Variants in WASHC5 observed in about 807,000 individuals in gnomAD.
WASHC5 encodes WASH complex subunit 5, also known as WASH complex subunit strumpellin.
Under a neutral mutation model 150.4 loss-of-function variants are expected in WASHC5, and 101 were observed. The observed-to-expected ratio is 0.67, with a 90% CI of 0.57 to 0.79. The LOEUF is 0.79. WASHC5 is among the 30% of genes least tolerant of loss of function. The pLI is 0.00. For synonymous variants in WASHC5, 467 were observed against 491.2 expected, an observed-to-expected ratio of 0.95 and a Z score of 0.65; for missense variants, 1,195 against 1,396.3, an observed-to-expected ratio of 0.86 and a Z score of 2.30.
intron 11 of WASHC5, among the ~76,000 whole-genome samples, chr8:125,061,714 G>C (rs1450279899): frequency 6.6e-6 from 1 of 152,172 alleles, no homozygotes; most frequent in Non-Finnish European, 1.5e-5. Flanking sequence ...ACAATGCAGG[G>C]GGTGCCATTT....
intron 27 of WASHC5, among the ~76,000 whole-genome samples, chr8:125,032,029 T>C (rs1815554973): frequency 6.6e-6 from 1 of 152,062 alleles, no homozygotes; most frequent in African/African-American, 2.4e-5. Context: ...TCAATGTGAG[T>C]AGACCGGATG....
At chr8:125,035,421 C>T (rs1214753208) in intron 26 of WASHC5, among the ~76,000 whole-genome samples, 4 of 152,174 alleles carry the variant, frequency 2.6e-5, no homozygotes, top group Admixed American at 1.3e-4. Flanking sequence ...AGTTCATTAT[C>T]AAGAATCATA....
intron 1 of WASHC5, among the ~76,000 whole-genome samples, chr8:125,085,822 A>G (rs1817403353): frequency 6.6e-6 from 1 of 152,182 alleles, no homozygotes; most frequent in South Asian, 2.1e-4. Context: ...GGACTTGATG[A>G]GGTTTCAGAA....
chr8:125,039,959 G>C, intron 23 of WASHC5, 61 bp from the exon 24 acceptor site: 1 of 1,076,984 alleles, frequency 9.3e-7, no homozygotes, highest in East Asian at 2.5e-5. Context: ...TGACAGTGAG[G>C]AGGTAAACAC....
chr8:125,032,525 G>A, intron 26 of WASHC5, 131 bp from the exon 27 acceptor site: 1 of 1,033,064 alleles, frequency 9.7e-7, no homozygotes, highest in Non-Finnish European at 1.5e-6. Flanking sequence ...TGGAGGGAAT[G>A]ACAATTCTGG....
chr8:125,083,959 T>C lies in WASHC5; in HGVS notation c.-61A>G. The C allele has an allele frequency of 1.3e-6, 2 of 1,493,650 alleles. No individual in the cohort carries two copies. Among genetic ancestry groups the C allele is most frequent in the South Asian group, 1.2e-5 (1 of 85,474 alleles). 92.5% of individuals were successfully genotyped at this position (1,493,650 alleles called of 1,614,324 possible). A position where few individuals can be genotyped will look rare whatever the true frequency, so the allele number is the denominator to read the frequency against. ...GGGGATGATTAACTGGCCTCAGAGC[T>C]GGTGTCTGTATATTATTAGATGAAA... is the stretch of plus-strand genomic sequence containing the variant. On this transcript the variant is annotated 5_prime_UTR_variant, in exon 2 of 29. Transcript: ENST00000318410.
chr8:125,063,393 C>G (rs909154046), intron 11 of WASHC5, 129 bp downstream of exon 11: 2 of 1,025,054 alleles, frequency 2.0e-6, no homozygotes, highest in Non-Finnish European at 3.0e-6. Context: ...TTATTAGCAA[C>G]ACTAAAGATG....
At chr8:125,089,477 G>C (rs1358052821) in intron 1 of WASHC5, among the ~76,000 whole-genome samples, 2 of 152,158 alleles carry the variant, frequency 1.3e-5, no homozygotes, top group African/African-American at 4.8e-5. Flanking sequence ...AGCCATTCTG[G>C]GCCGCATGTG....
chr8:125,065,455 G>A (rs1293006346), intron 10 of WASHC5, among the ~76,000 whole-genome samples: 1 of 152,074 alleles, frequency 6.6e-6, no homozygotes, highest in Non-Finnish European at 1.5e-5. Flanking sequence ...ATAGATTCCA[G>A]AGAACAGACT....
At chr8:125,054,165 T>G (rs1383996334) in intron 17 of WASHC5, among the ~76,000 whole-genome samples, 1 of 152,190 alleles carries the variant, frequency 6.6e-6, no homozygotes, top group African/African-American at 2.4e-5. Flanking sequence ...GTTGTGATAA[T>G]GGGGGGCACA....
chr8:125,082,956 G>C (rs1817314421), intron 3 of WASHC5, 157 bp downstream of exon 3: 1 of 560,266 alleles, frequency 1.8e-6, no homozygotes, highest in African/African-American at 1.9e-5. Flanking sequence ...AAATTCTTAA[G>C]ATGACCAGTG....
chr8:125,079,416 T>C (rs28624116), intron 5 of WASHC5, among the ~76,000 whole-genome samples: 19,499 of 151,476 alleles, frequency 0.13, 3,045 homozygotes, highest in African/African-American at 0.38. Flanking sequence ...GTCTTAAATG[T>C]CTGACCTCAA....
intron 11 of WASHC5, among the ~76,000 whole-genome samples, chr8:125,061,923 G>T (rs1333237893): frequency 6.6e-6 from 1 of 152,172 alleles, no homozygotes; most frequent in African/African-American, 2.4e-5. Context: ...GGGTGACACG[G>T]TGACTAAATG....
chr8:125,081,743 A>G lies in WASHC5; in HGVS notation c.436T>C (p.Tyr146His), dbSNP rs758373492. 3.1e-6 allele frequency: 5 copies of G among 1,608,346 alleles called. No individual in the cohort carries two copies. The highest frequency in any genetic ancestry group is 3.3e-5 in the Admixed American group (2 of 59,988). ...TCAATGACCAGTAGCATAACTCCAT[A>G]TAAGTACAGTGCTTCACACTAAGAA... is the stretch of plus-strand genomic sequence containing the variant. ...KQLLCEALYL[Y>H]GVMLLVIDQK... is the part of the protein sequence containing the mutation. The change falls in exon 5 of 29, where the codon TAT (tyrosine) becomes CAT (histidine). Residue 146 changes from tyrosine (Y) to histidine (H), a missense_variant. Coordinates refer to ENST00000318410, the MANE Select transcript of WASHC5 (RefSeq NM_014846.4).
intron 18 of WASHC5, among the ~76,000 whole-genome samples, chr8:125,050,028 A>G (rs536775997): frequency 6.8e-5 from 10 of 146,674 alleles, no homozygotes; most frequent in Non-Finnish European, 1.3e-4. Context: ...AAAAAAAAAG[A>G]ATGACTGTGA....
chr8:125,042,115 A>G (rs16900250), intron 23 of WASHC5, among the ~76,000 whole-genome samples: 16,888 of 152,112 alleles, frequency 0.11, 2,203 homozygotes, highest in African/African-American at 0.31. Flanking sequence ...CACGCACTTC[A>G]AGCTTTAATA....
intron 15 of WASHC5, 80 bp downstream of exon 15, chr8:125,057,476 T>TG (rs1816443397): frequency 2.2e-6 from 2 of 923,484 alleles, no homozygotes; most frequent in Admixed American, 2.0e-5. Context: ...GATATACTTT[T>TG]GGGGGGCCTA....
At chr8:125,056,595 T>C (rs907407554) in intron 16 of WASHC5, 82 bp downstream of exon 16, 9 of 1,517,260 alleles carry the variant, frequency 5.9e-6, no homozygotes, top group Admixed American at 3.3e-5. Context: ...GTCCCCAGAA[T>C]ATGGCAGGTG....
intron 10 of WASHC5, among the ~76,000 whole-genome samples, chr8:125,064,640 C>A (rs1427332581): frequency 6.6e-6 from 1 of 150,794 alleles, no homozygotes; most frequent in Non-Finnish European, 1.5e-5. Flanking sequence ...ACTTAAAAAA[C>A]ATACTTATTT....
Sources: allele counts gnomAD v4.1 joint callset (sites outside exome capture counted in the v4.1 genomes callset), GRCh38; gene constraint gnomAD v4.1.1; transcripts MANE v1.5; gene names NCBI Gene and HGNC (gene_info 2026-07-23, HGNC 2026-07-21).